Variants in PPP2R3B observed in about 807,000 individuals in gnomAD.
The protein encoded by PPP2R3B is serine/threonine-protein phosphatase 2A regulatory subunit B'' subunit beta.
Under a neutral mutation model 72.9 loss-of-function variants are expected in PPP2R3B, and 68 were observed. The ratio of observed to expected loss-of-function variants is 0.93; its 90% CI spans 0.77 to 1.14. The LOEUF is 1.14. Among genes scored for constraint, PPP2R3B ranks in the 50% most tolerant of loss-of-function variants. The pLI, the probability that PPP2R3B is intolerant of heterozygous loss-of-function variation, is 0.00. For synonymous variants in PPP2R3B, 466 were observed against 375.8 expected, an observed-to-expected ratio of 1.24 and a Z score of -2.78; for missense variants, 1,018 against 842.0, an observed-to-expected ratio of 1.21 and a Z score of -2.59.
rs1397895318 is a variant in PPP2R3B, at chrX:363,604, C to G, written c.325-2014G>C. On this transcript the variant is annotated intron_variant, in intron 1 of 12. Coordinates refer to ENST00000390665, the MANE Select transcript of PPP2R3B (RefSeq NM_013239.5). ...CCCACAATGCATCTCCCCGTGCCCG[C>G]AATCCCACAATGCATCTCCCCGAGC... is the stretch of plus-strand genomic sequence containing the variant. Among the ~76,000 whole-genome samples the G allele has an allele frequency of 2.1e-3, 258 of 123,100 alleles. 11 individuals are homozygous for G. Among genetic ancestry groups the G allele is most frequent in the South Asian group, 2.3e-3 (9 of 3,942 alleles). 80.8% of individuals were successfully genotyped at this position (123,100 alleles called of 152,430 possible).
intron 2 of PPP2R3B, among the ~76,000 whole-genome samples, chrX:348,130 A>G (rs1255201085): frequency 6.6e-6 from 1 of 152,166 alleles, no homozygotes; most frequent in Non-Finnish European, 1.5e-5. Flanking sequence ...ACAGCCTTAA[A>G]TACACGCGTG....
rs757768486 is a variant in PPP2R3B at position 334,466 on chromosome X, G to A, written c.1629C>T (p.Ser543=). Residue 543 remains serine (S), a synonymous_variant, in exon 13 of 13, where the codon TCC becomes TCT. Transcript: ENST00000390665. ...PVEQKLSALR[S]PLAQRPFFEA... is the part of the protein sequence containing the mutation. Reference sequence around the variant, plus strand: ...CGAAGAAGGGCCTCTGGGCCAGCGGGGAGCGCAGCGCACTCAGCTTCTGCT... The same window carrying A: ...CGAAGAAGGGCCTCTGGGCCAGCGGAGAGCGCAGCGCACTCAGCTTCTGCT... 2.5e-6 allele frequency: 4 copies of A among 1,593,680 alleles called. No homozygotes were observed. The highest frequency in any genetic ancestry group is 3.4e-6 in the Non-Finnish European group (4 of 1,175,796).
At chrX:343,837 T>G (rs371807762) in intron 7 of PPP2R3B, among the ~76,000 whole-genome samples, 73 of 8,016 alleles carry the variant, frequency 9.1e-3, no homozygotes, top group Admixed American at 0.014. Context: ...CGGGAGGCGG[T>G]AGGGAGACCT....
At position 334,248 on chromosome X, in the gene PPP2R3B, TAAAA is replaced by T. The variant is rs1211894414; in HGVS notation, c.*115_*118del. On this transcript the variant is annotated 3_prime_UTR_variant, in exon 13 of 13. Transcript: ENST00000390665. ...CAATCAACACGCTTCTGTGAATAAA[TAAAA>T]GTTTATCATTCCGTACAAACGCACT... The T allele has an allele frequency of 1.7e-6, 2 of 1,192,716 alleles. No individual in the cohort carries two copies. Among genetic ancestry groups the T allele is most frequent in the Non-Finnish European group, 1.1e-6 (1 of 910,976 alleles). The allele number at this position is 1,192,716 out of a possible 1,614,324, so 73.9% of individuals were successfully genotyped here. A position where few individuals can be genotyped will look rare whatever the true frequency, so the allele number is the denominator to read the frequency against.
At chrX:354,225 G>C (rs867535593) in intron 2 of PPP2R3B, among the ~76,000 whole-genome samples, 3 of 139,834 alleles carry the variant, frequency 2.1e-5, no homozygotes, top group Admixed American at 1.4e-4. Flanking sequence ...CTCACCCAGG[G>C]ACCGGGGGCT....
chrX:371,614 G>A (rs2071866432), intron 1 of PPP2R3B, among the ~76,000 whole-genome samples: 1 of 152,088 alleles, frequency 6.6e-6, no homozygotes. Context: ...CCCGTCAGAG[G>A]ACCCCTGAAA....
chrX:367,832 C>T (rs1352319122), intron 1 of PPP2R3B, among the ~76,000 whole-genome samples: 1 of 152,150 alleles, frequency 6.6e-6, no homozygotes, highest in African/African-American at 2.4e-5. Flanking sequence ...GACTTAAGGA[C>T]CCAGAGGCTA....
chrX:358,323 G>A (rs2071476170), intron 2 of PPP2R3B, among the ~76,000 whole-genome samples: 1 of 152,172 alleles, frequency 6.6e-6, no homozygotes, highest in African/African-American at 2.4e-5. Flanking sequence ...GGGTTCTGCC[G>A]CCACAGCGCA....
In PPP2R3B at chrX:366,401, A is replaced by T. The variant is rs866663315; in HGVS notation, c.325-4811T>A. Among the ~76,000 whole-genome samples, 4 of 5,800 alleles carry T rather than the reference A, an allele frequency of 6.9e-4. 2 individuals are homozygous for T. The highest frequency in any genetic ancestry group is 1.0e-3 in the Non-Finnish European group (4 of 3,898). The allele number at this position is 5,800 out of a possible 152,430, so 3.8% of individuals were successfully genotyped here. The stretch of plus-strand genomic sequence containing the variant: ...ACAAACGATTAACCAGGTGTGGTGG[A>T]GGGTGCCTGTACTCCCAGCTACTCG... On this transcript the variant is annotated intron_variant, in intron 1 of 12. Transcript: ENST00000390665.
chrX:354,113 CA>C (rs1481285485), intron 2 of PPP2R3B, among the ~76,000 whole-genome samples: 10 of 136,040 alleles, frequency 7.4e-5, no homozygotes, highest in East Asian at 2.1e-4. Context: ...CGCCCAAACA[CA>C]GGGGGCTCAC....
At chrX:370,639 A>G (rs1266948159) in intron 1 of PPP2R3B, among the ~76,000 whole-genome samples, 2 of 152,138 alleles carry the variant, frequency 1.3e-5, no homozygotes, top group African/African-American at 2.4e-5. Flanking sequence ...CCCTTGCTGC[A>G]GCTCCCTGCC....
intron 1 of PPP2R3B, among the ~76,000 whole-genome samples, chrX:384,709 G>T (rs985483938): frequency 3.9e-5 from 6 of 152,092 alleles, no homozygotes; most frequent in East Asian, 1.9e-4. Context: ...TCCAGGCCAG[G>T]TGTGGTGGCT....
At chrX:337,307 C>T (rs1457975490) in intron 12 of PPP2R3B, 1 of 152,206 alleles carries the variant, frequency 6.6e-6, no homozygotes, top group African/African-American at 2.4e-5. Flanking sequence ...GTCTCGATCT[C>T]CTGACCTCGT....
chrX:347,236 G>A lies in PPP2R3B; in HGVS notation c.715C>T (p.Gln239Ter). ...GTGGTGTAGACGCAGGCTCTCACCT[G>A]CAAGAAGGGGACAAAGTCCTCCTGC... is the stretch of plus-strand genomic sequence containing the variant. ...LVQEDFVPFL[Q>*]DVVNTHPGLS... Residue 239 changes from glutamine (Q) to a stop codon, truncating the protein, a stop_gained and splice_region_variant, in exon 4 of 13, where the codon CAG (glutamine) becomes TAG (stop). Transcript: ENST00000390665. LOFTEE classifies it high-confidence loss of function. 1.2e-6 allele frequency: 2 copies of A among 1,613,430 alleles called. No homozygotes were observed. Among genetic ancestry groups the A allele is most frequent in the Non-Finnish European group, 1.7e-6 (2 of 1,179,670 alleles).
At position 341,515 on chromosome X, in the gene PPP2R3B, C is replaced by T. The variant is rs952831771; in HGVS notation, c.1086-119G>A. 32 of 1,047,718 alleles carry T rather than the reference C, an allele frequency of 3.1e-5. No individual in the cohort carries two copies. The South Asian group carries it at 3.8e-4, about 13-fold the overall frequency. The allele number at this position is 1,047,718 out of a possible 1,614,324, so 64.9% of individuals were successfully genotyped here. A position where few individuals can be genotyped will look rare whatever the true frequency, so the allele number is the denominator to read the frequency against. On this transcript the variant is annotated intron_variant, in intron 8 of 12. Coordinates refer to ENST00000390665, the MANE Select transcript of PPP2R3B (RefSeq NM_013239.5). ...CCCCCCGGGCCCGGCCCTCCTCCTGCCCCCCTCCTGCCCCTCCTCCTGCCT... is the reference window on the plus strand; with the variant it reads ...CCCCCCGGGCCCGGCCCTCCTCCTGTCCCCCTCCTGCCCCTCCTCCTGCCT...
At chrX:356,838 A>T (rs866794966) in intron 2 of PPP2R3B, among the ~76,000 whole-genome samples, 2,626 of 84,566 alleles carry the variant, frequency 0.031, 85 homozygotes, top group African/African-American at 0.072. Flanking sequence ...CCCCACGGTA[A>T]CCACGCCTTG....
chrX:370,696 G>C lies in PPP2R3B; in HGVS notation c.325-9106C>G, dbSNP rs544447397. ...CCTTCTCCCTGCCACTGCCCAGGGA[G>C]TGGCATCCTGGGCAGCGTCCTGGCC... On this transcript the variant is annotated intron_variant, in intron 1 of 12. Coordinates refer to ENST00000390665, the MANE Select transcript of PPP2R3B (RefSeq NM_013239.5). Among the ~76,000 whole-genome samples, 513 of 152,316 alleles carry C rather than the reference G, an allele frequency of 3.4e-3. 2 individuals carry two copies. Among genetic ancestry groups the C allele is most frequent in the African/African-American group, 8.7e-3 (361 of 41,590 alleles).
intron 2 of PPP2R3B, among the ~76,000 whole-genome samples, chrX:357,200 TG>T (rs1211840240): frequency 1.3e-5 from 2 of 151,620 alleles, no homozygotes; most frequent in Non-Finnish European, 2.9e-5. Context: ...AGGGGAATGA[TG>T]AGGTGCAAAA....
At chrX:350,067 G>A (rs2071296155) in intron 2 of PPP2R3B, among the ~76,000 whole-genome samples, 1 of 152,242 alleles carries the variant, frequency 6.6e-6, no homozygotes, top group African/African-American at 2.4e-5. Context: ...GGGGGACCAA[G>A]TTGGTGGATA....
Sources: allele counts gnomAD v4.1 joint callset (sites outside exome capture counted in the v4.1 genomes callset), GRCh38; gene constraint gnomAD v4.1.1; transcripts MANE v1.5; gene names NCBI Gene and HGNC (gene_info 2026-07-23, HGNC 2026-07-21).